Variants in TMPRSS11A observed in about 807,000 individuals in gnomAD.
TMPRSS11A encodes transmembrane protease serine 11A.
In TMPRSS11A, 53 loss-of-function variants were observed where a neutral mutation model predicts 58.9. That is an observed-to-expected ratio of 0.90 (90% CI 0.72 to 1.13). The LOEUF (loss-of-function observed/expected upper bound fraction) is 1.13. Among genes scored for constraint, TMPRSS11A ranks in the 50% most tolerant of loss-of-function variants. The probability of loss-of-function intolerance (pLI) is 0.00; values close to 1 mark genes in which losing one functional copy is unlikely to be tolerated. For synonymous variants in TMPRSS11A, 167 were observed against 169.8 expected (o/e 0.98, Z 0.13); for missense variants, 493 against 499.3 (o/e 0.99, Z 0.12).
chr4:67,942,307 G>T (rs1720899524), intron 3 of TMPRSS11A, among the ~76,000 whole-genome samples: 1 of 152,158 alleles, frequency 6.6e-6, no homozygotes, highest in Admixed American at 6.5e-5. Context: ...AGGAGATGGG[G>T]CCTTTGGAGG....
intron 5 of TMPRSS11A, among the ~76,000 whole-genome samples, chr4:67,927,547 T>A (rs1720505712): frequency 6.6e-6 from 1 of 152,240 alleles, no homozygotes; most frequent in Non-Finnish European, 1.5e-5. Context: ...ATGCCTGGGT[T>A]GGCCTTGGTG....
In TMPRSS11A at chr4:67,911,198, A is replaced by C; in HGVS notation, c.*144T>G. The stretch of plus-strand genomic sequence containing the variant: ...TAAGGATTATTGGTTGATTAAAGTG[A>C]TTCTAAATAACTTACGTTGTGTGTT... On this transcript the variant is annotated 3_prime_UTR_variant, in exon 10 of 10. Coordinates refer to ENST00000508048, the MANE Select transcript of TMPRSS11A (RefSeq NM_001114387.2). The C allele has an allele frequency of 5.8e-6, 4 of 692,234 alleles. No individual in the cohort carries two copies. Among genetic ancestry groups the C allele is most frequent in the Non-Finnish European group, 9.2e-6 (4 of 436,610 alleles). 42.9% of individuals were successfully genotyped at this position (692,234 alleles called of 1,614,324 possible).
At chr4:67,956,027 C>CT (rs1025839882) in intron 1 of TMPRSS11A, among the ~76,000 whole-genome samples, 4 of 152,160 alleles carry the variant, frequency 2.6e-5, no homozygotes, top group African/African-American at 9.6e-5. Flanking sequence ...GCTTATGACT[C>CT]TAACATGTAT....
At chr4:67,943,162 A>C (rs534600015) in intron 3 of TMPRSS11A, among the ~76,000 whole-genome samples, 1 of 152,284 alleles carries the variant, frequency 6.6e-6, no homozygotes, top group Admixed American at 6.5e-5. Context: ...TTAGCCTTTG[A>C]AGGAACACAT....
intron 3 of TMPRSS11A, 133 bp from the exon 4 acceptor site, chr4:67,932,193 G>A: frequency 1.8e-6 from 1 of 548,372 alleles, no homozygotes; most frequent in South Asian, 2.9e-5. Flanking sequence ...GTGGATCTCA[G>A]CTTTCACAGT....
chr4:67,936,253 T>C (rs1288264737), intron 3 of TMPRSS11A, among the ~76,000 whole-genome samples: 2 of 151,710 alleles, frequency 1.3e-5, no homozygotes, highest in African/African-American at 2.4e-5. Flanking sequence ...TTCTTTACTC[T>C]CCAAAAATAA....
intron 1 of TMPRSS11A, among the ~76,000 whole-genome samples, chr4:67,955,621 G>A (rs1231671508): frequency 1.3e-5 from 2 of 152,064 alleles, no homozygotes; most frequent in African/African-American, 4.8e-5. Flanking sequence ...TCTTTTGTCT[G>A]TCTCAGGATC....
At chr4:67,961,482 C>CTTTTTTTTTT (rs1721418705) in intron 1 of TMPRSS11A, among the ~76,000 whole-genome samples, 1 of 102,454 alleles carries the variant, frequency 9.8e-6, no homozygotes, top group African/African-American at 4.8e-5. Flanking sequence ...CTTTTCTTTT[C>CTTTTTTTTTT]CTTTTTTTTT....
chr4:67,920,791 T>G lies in TMPRSS11A; in HGVS notation c.693-1559A>C, dbSNP rs371842204. ...CCTCTCCCTCTAGCACTCTTCGGTA[T>G]AGCAAAGACATAGAATCAACCTAAA... On this transcript the variant is annotated intron_variant, in intron 7 of 9. Transcript: ENST00000508048. Among the ~76,000 whole-genome samples, 71 of 152,062 alleles carry G rather than the reference T, an allele frequency of 4.7e-4. 1 individual carries two copies. In the South Asian group the frequency reaches 0.012, roughly 26 times the overall value.
chr4:67,953,246 T>C (rs72851270), intron 1 of TMPRSS11A, among the ~76,000 whole-genome samples: 3,954 of 152,294 alleles, frequency 0.026, 198 homozygotes, highest in African/African-American at 0.09. Flanking sequence ...AGCCCGGGAC[T>C]TGGGGATCCC....
intron 2 of TMPRSS11A, among the ~76,000 whole-genome samples, chr4:67,946,091 C>A (rs1008213690): frequency 6.6e-6 from 1 of 152,002 alleles, no homozygotes. Context: ...CATAACTTTT[C>A]ATTTTAATAT....
chr4:67,927,803 T>C (rs1180510469), intron 5 of TMPRSS11A, among the ~76,000 whole-genome samples: 1 of 152,208 alleles, frequency 6.6e-6, no homozygotes. Flanking sequence ...CTCAAATTAA[T>C]GATTTCAGGT....
At chr4:67,915,595 T>C (rs544678845) in intron 8 of TMPRSS11A, among the ~76,000 whole-genome samples, 1 of 152,330 alleles carries the variant, frequency 6.6e-6, no homozygotes, top group Admixed American at 6.5e-5. Flanking sequence ...AAAAGGAGAT[T>C]ATCAAAGGTG....
At chr4:67,913,255 T>A (rs190546580) in intron 9 of TMPRSS11A, among the ~76,000 whole-genome samples, 98 of 152,244 alleles carry the variant, frequency 6.4e-4, no homozygotes, top group African/African-American at 2.3e-3. Context: ...GAGATGGGAC[T>A]TAAGAAGAGG....
chr4:67,924,207 T>TTCC lies in TMPRSS11A; in HGVS notation c.482-44_482-42dup, dbSNP rs777356354. 104 of 1,586,824 alleles carry TTCC rather than the reference T, an allele frequency of 6.6e-5. 2 individuals carry two copies. In the South Asian group the frequency reaches 1.1e-3, roughly 18 times the overall value. On this transcript the variant is annotated intron_variant, in intron 5 of 9. Transcript: ENST00000508048. ...AAACAAATAGTGATAATTTGATATT[T>TTCC]TCCTGGTTGGTCTCAATGACCAGGA...
At chr4:67,963,252 A>G in intron 1 of TMPRSS11A, 131 bp downstream of exon 1, 1 of 797,794 alleles carries the variant, frequency 1.3e-6, no homozygotes, top group South Asian at 2.2e-5. Context: ...TAATTCCAGA[A>G]ATTTAAAAAA....
chr4:67,921,000 T>C (rs981910096), intron 7 of TMPRSS11A, among the ~76,000 whole-genome samples: 9 of 152,306 alleles, frequency 5.9e-5, no homozygotes, highest in African/African-American at 2.2e-4. Context: ...TTGGATATTC[T>C]CCCTCATTTT....
chr4:67,949,576 C>T (rs1721110240), intron 1 of TMPRSS11A, among the ~76,000 whole-genome samples: 1 of 152,114 alleles, frequency 6.6e-6, no homozygotes, highest in Non-Finnish European at 1.5e-5. Flanking sequence ...AAATGTATCA[C>T]CACCGGGCAT....
chr4:67,937,772 A>G (rs1348421092), intron 3 of TMPRSS11A, among the ~76,000 whole-genome samples: 1 of 152,082 alleles, frequency 6.6e-6, no homozygotes, highest in East Asian at 1.9e-4. Flanking sequence ...ATATATATAC[A>G]TATATATCTC....
Sources: allele counts gnomAD v4.1 joint callset (sites outside exome capture counted in the v4.1 genomes callset), GRCh38; gene constraint gnomAD v4.1.1; transcripts MANE v1.5; gene names NCBI Gene and HGNC (gene_info 2026-07-23, HGNC 2026-07-21).